Variants in TENM2 observed in about 807,000 individuals in gnomAD.
TENM2 encodes the protein teneurin-2.
In TENM2, 52 loss-of-function variants were observed where a neutral mutation model predicts 245.2. That is an observed-to-expected ratio of 0.21 (90% confidence interval 0.17 to 0.27). The LOEUF is 0.27. Among genes scored for constraint, TENM2 ranks in the 10% least tolerant of loss-of-function variants. TENM2 has a pLI of 1.00. For synonymous variants in TENM2, 1,363 were observed against 1,438.9 expected (o/e 0.95, Z 1.19); for missense variants, 3,046 against 3,666.8 (o/e 0.83, Z 4.37).
At chr5:167,698,886 G>C (rs192059161) in intron 2 of TENM2, among the ~76,000 whole-genome samples, 198 of 151,848 alleles carry the variant, frequency 1.3e-3, no homozygotes, top group African/African-American at 4.6e-3. Flanking sequence ...ATTTCACCGT[G>C]TTAGCCAGGA....
intron 2 of TENM2, among the ~76,000 whole-genome samples, chr5:167,620,754 T>C (rs1375990992): frequency 3.3e-5 from 5 of 152,212 alleles, no homozygotes; most frequent in Non-Finnish European, 5.9e-5. Context: ...TTTTGACTCA[T>C]CTTTGATTTT....
the TENM2 span, among the ~76,000 whole-genome samples, chr5:166,980,489 A>ATTT: frequency 1.3e-5 from 2 of 152,216 alleles, no homozygotes; most frequent in African/African-American, 4.8e-5. Context: ...TTATTTAAAA[A>ATTT]TTAATATACA....
At chr5:167,880,274 C>G (rs1773772270) in intron 3 of TENM2, among the ~76,000 whole-genome samples, 1 of 151,932 alleles carries the variant, frequency 6.6e-6, no homozygotes. Flanking sequence ...CTCAAATGAC[C>G]CACCCGCCTC....
chr5:167,650,381 T>A (rs1754372519), intron 2 of TENM2, among the ~76,000 whole-genome samples: 1 of 152,222 alleles, frequency 6.6e-6, no homozygotes, highest in Non-Finnish European at 1.5e-5. Flanking sequence ...AATTCTTTTT[T>A]TCTGGCTTTG....
At chr5:167,980,328 G>T (rs1011994734) in intron 4 of TENM2, among the ~76,000 whole-genome samples, 1 of 152,188 alleles carries the variant, frequency 6.6e-6, no homozygotes, top group Non-Finnish European at 1.5e-5. Flanking sequence ...AAGATGCTAC[G>T]ATGGGAAAGG....
chr5:167,832,350 A>G (rs936912029), intron 2 of TENM2, among the ~76,000 whole-genome samples: 13 of 152,232 alleles, frequency 8.5e-5, no homozygotes, highest in Non-Finnish European at 1.5e-4. Flanking sequence ...GTGTGCACAC[A>G]CGCATGCTCA....
chr5:167,714,427 CT>C (rs1759119625), intron 2 of TENM2, among the ~76,000 whole-genome samples: 1 of 152,144 alleles, frequency 6.6e-6, no homozygotes, highest in Non-Finnish European at 1.5e-5. Context: ...GGTCTGATGT[CT>C]GCTAAGTCTC....
chr5:167,520,932 C>CTTTTTTTTTTTTTT (rs374211778), intron 2 of TENM2, among the ~76,000 whole-genome samples: 1 of 130,536 alleles, frequency 7.7e-6, no homozygotes. Context: ...ATTCTTTTTC[C>CTTTTTTTTTTTTTT]TTTTTTTTTT....
chr5:167,573,361 A>G (rs1774409501), intron 2 of TENM2, among the ~76,000 whole-genome samples: 1 of 152,162 alleles, frequency 6.6e-6, no homozygotes, highest in Admixed American at 6.5e-5. Context: ...AACCTGGGAG[A>G]TACACGAATG....
At chr5:167,004,961 A>C in the TENM2 span, among the ~76,000 whole-genome samples, 1 of 152,320 alleles carries the variant, frequency 6.6e-6, no homozygotes, top group Admixed American at 6.5e-5. Context: ...TGTTTTCTTA[A>C]GATGATTTGA....
chr5:167,817,474 A>G (rs941680610), intron 2 of TENM2, among the ~76,000 whole-genome samples: 2 of 152,226 alleles, frequency 1.3e-5, no homozygotes, highest in Admixed American at 1.3e-4. Flanking sequence ...TTATGAAAAG[A>G]CAGCCTTTAT....
chr5:167,587,690 C>T (rs1775598824), intron 2 of TENM2, among the ~76,000 whole-genome samples: 1 of 152,156 alleles, frequency 6.6e-6, no homozygotes, highest in South Asian at 2.1e-4. Flanking sequence ...ATGTTCATGT[C>T]TGATTATGTA....
At chr5:167,338,832 G>T (rs1757929120) in intron 1 of TENM2, among the ~76,000 whole-genome samples, 1 of 152,318 alleles carries the variant, frequency 6.6e-6, no homozygotes, top group Admixed American at 6.5e-5. Flanking sequence ...CTGGCTTGCA[G>T]ATGGCCCCGC....
the TENM2 span, among the ~76,000 whole-genome samples, chr5:167,193,051 A>C: frequency 6.6e-6 from 1 of 152,086 alleles, no homozygotes; most frequent in Non-Finnish European, 1.5e-5. Context: ...ACAGTATGGA[A>C]TCACAGACTG....
chr5:167,680,760 G>A (rs1183077756), intron 2 of TENM2, among the ~76,000 whole-genome samples: 1 of 152,100 alleles, frequency 6.6e-6, no homozygotes, highest in African/African-American at 2.4e-5. Flanking sequence ...TATCTACCAC[G>A]CATCCTCGTC....
At chr5:167,813,504 G>T (rs1227951932) in intron 2 of TENM2, among the ~76,000 whole-genome samples, 4 of 152,008 alleles carry the variant, frequency 2.6e-5, no homozygotes, top group African/African-American at 9.7e-5. Flanking sequence ...ATGCATGTCT[G>T]TTGAAAACTT....
chr5:168,134,709 T>C (rs1015293020), intron 12 of TENM2, among the ~76,000 whole-genome samples: 3 of 152,104 alleles, frequency 2.0e-5, no homozygotes, highest in Non-Finnish European at 4.4e-5. Context: ...AAATTCTCAT[T>C]AGACATTTCT....
At chr5:166,990,665 T>C in the TENM2 span, among the ~76,000 whole-genome samples, 1 of 152,184 alleles carries the variant, frequency 6.6e-6, no homozygotes, top group Non-Finnish European at 1.5e-5. Flanking sequence ...TACAAAATGA[T>C]AATGAAGATA....
chr5:168,104,003 G>T (rs966429732), intron 9 of TENM2, among the ~76,000 whole-genome samples: 1 of 149,886 alleles, frequency 6.7e-6, no homozygotes, highest in African/African-American at 2.5e-5. Context: ...TTTCTTTTCT[G>T]GTTTGTTTGT....
Sources: allele counts gnomAD v4.1 joint callset (sites outside exome capture counted in the v4.1 genomes callset), GRCh38; gene constraint gnomAD v4.1.1; transcripts MANE v1.5; gene names NCBI Gene and HGNC (gene_info 2026-07-23, HGNC 2026-07-21).